ELAC1: variants seen among roughly 807,000 people sequenced by gnomAD.
ELAC1 encodes the protein elaC ribonuclease Z 1, also known as zinc phosphodiesterase ELAC protein 1.
ELAC1 carries 19 observed loss-of-function variants against 25.8 expected under a neutral mutation model. The observed-to-expected ratio is 0.74, with a 90% CI of 0.51 to 1.08. The LOEUF is 1.08. Among genes scored for constraint, ELAC1 ranks in the 50% least tolerant of loss-of-function variants. ELAC1 has a pLI of 0.00. For missense variants in ELAC1, 403 were observed against 434.6 expected (o/e 0.93, Z 0.65); for synonymous variants, 148 against 160.9 (o/e 0.92, Z 0.61).
intron 2 of ELAC1, among the ~76,000 whole-genome samples, chr18:50,977,936 C>G (rs982563705): frequency 6.6e-6 from 1 of 152,208 alleles, no homozygotes; most frequent in South Asian, 2.1e-4. Flanking sequence ...GTTCAAAGTT[C>G]CACAGATCTC....
rs1332090092 is a variant in ELAC1, at chr18:50,977,528, A to C, written c.157+2967A>C. On this transcript the variant is annotated intron_variant, in intron 2 of 3. Coordinates refer to ENST00000269466, the MANE Select transcript of ELAC1 (RefSeq NM_018696.3). ...GGCACCAAGTCCCAAGACTGCACGA[A>C]GCAGCAAGGCCCTGGGCCCAGGCCA... Among the ~76,000 whole-genome samples the C allele has an allele frequency of 2.6e-5, 4 of 152,218 alleles. 1 individual carries two copies. In the East Asian group the frequency reaches 7.7e-4, roughly 29 times the overall value.
chr18:50,986,407 C>T (rs1363731278), intron 3 of ELAC1, among the ~76,000 whole-genome samples: 2 of 152,158 alleles, frequency 1.3e-5, no homozygotes, highest in African/African-American at 2.4e-5. Flanking sequence ...GACATGTATG[C>T]ATGGGAAATG....
intron 1 of ELAC1, among the ~76,000 whole-genome samples, chr18:50,970,967 C>T (rs996759604): frequency 2.6e-5 from 4 of 152,094 alleles, no homozygotes; most frequent in African/African-American, 9.7e-5. Flanking sequence ...AACTTTTCTC[C>T]TTGTCATCCC....
chr18:50,981,916 G>A (rs1382883852), intron 2 of ELAC1, among the ~76,000 whole-genome samples: 2 of 147,676 alleles, frequency 1.4e-5, no homozygotes, highest in African/African-American at 2.5e-5. Flanking sequence ...GCGTGATCTC[G>A]GCTCACCACA....
chr18:50,979,192 A>G (rs1232769639), intron 2 of ELAC1, among the ~76,000 whole-genome samples: 1 of 152,220 alleles, frequency 6.6e-6, no homozygotes, highest in African/African-American at 2.4e-5. Context: ...CTATCTAATA[A>G]TGCATAACAG....
rs1417039692 is a variant in ELAC1, at chr18:50,984,541, T to C, written c.603T>C (p.Asn201=). The C allele has an allele frequency of 6.2e-7, 1 of 1,613,174 alleles. No homozygotes were observed. The highest frequency in any genetic ancestry group is 8.5e-7 in the Non-Finnish European group (1 of 1,179,704). ...AAAAGAAACGCCCAGGTAAACTCAA[T>C]GCACAGAAACTTAAAGACCTTGGTA... ...VVEKKRPGKL[N]AQKLKDLGVP... is the part of the protein sequence containing the mutation. The change falls in exon 3 of 4, where the codon AAT becomes AAC. Residue 201 remains asparagine (N), a synonymous_variant. Coordinates refer to ENST00000269466, the MANE Select transcript of ELAC1 (RefSeq NM_018696.3).
chr18:50,974,776 T>C (rs1485685884), intron 2 of ELAC1, among the ~76,000 whole-genome samples: 1 of 152,214 alleles, frequency 6.6e-6, no homozygotes. Flanking sequence ...CTGTAGATGC[T>C]GAAAGCAAGG....
intron 1 of ELAC1, among the ~76,000 whole-genome samples, chr18:50,970,394 A>C (rs1325844044): frequency 2.6e-5 from 4 of 152,234 alleles, no homozygotes; most frequent in Non-Finnish European, 4.4e-5. Flanking sequence ...ATTTGCCTTT[A>C]CAAATGTTAA....
At chr18:50,981,971 T>C (rs898288561) in intron 2 of ELAC1, among the ~76,000 whole-genome samples, 2 of 150,952 alleles carry the variant, frequency 1.3e-5, no homozygotes, top group Non-Finnish European at 2.9e-5. Flanking sequence ...CTCAGCCACC[T>C]GAGTAGCTGG....
At position 50,985,287 on chromosome 18, in the gene ELAC1, A is replaced by C. The variant is rs73960357; in HGVS notation, c.625+724A>C. Among the ~76,000 whole-genome samples the C allele has an allele frequency of 2.2e-3, 336 of 152,324 alleles. 2 individuals are homozygous for C. Among genetic ancestry groups the C allele is most frequent in the African/African-American group, 7.6e-3 (316 of 41,572 alleles). On this transcript the variant is annotated intron_variant, in intron 3 of 3. Coordinates refer to ENST00000269466, the MANE Select transcript of ELAC1 (RefSeq NM_018696.3). ...CCATCGTTCTTAACCTTACAACTGCAACCATGTGCTTTCAGAGTTTACTTC... is the reference window on the plus strand; with the variant it reads ...CCATCGTTCTTAACCTTACAACTGCCACCATGTGCTTTCAGAGTTTACTTC...
At chr18:50,971,898 G>A (rs911386850) in intron 1 of ELAC1, among the ~76,000 whole-genome samples, 98 of 99,594 alleles carry the variant, frequency 9.8e-4, no homozygotes, top group Non-Finnish European at 1.5e-3. Flanking sequence ...ATGTATATAT[G>A]TGTGTGTGTG....
At chr18:50,980,659 A>G (rs1671695845) in intron 2 of ELAC1, among the ~76,000 whole-genome samples, 1 of 148,780 alleles carries the variant, frequency 6.7e-6, no homozygotes, top group Admixed American at 6.8e-5. Flanking sequence ...GCTACTTGGG[A>G]GGCTGAGGCA....
chr18:50,972,025 C>T (rs1273606158), intron 1 of ELAC1, among the ~76,000 whole-genome samples: 2 of 144,874 alleles, frequency 1.4e-5, no homozygotes, highest in Non-Finnish European at 3.0e-5. Context: ...GGAGCATTAA[C>T]CCCCTGTCAT....
intron 2 of ELAC1, among the ~76,000 whole-genome samples, chr18:50,981,843 CTTT>C (rs750956755): frequency 8.5e-6 from 1 of 117,864 alleles, no homozygotes; most frequent in Non-Finnish European, 1.8e-5. Flanking sequence ...TGCTATAGTT[CTTT>C]TTTTTTTTTT....
chr18:50,969,817 A>G (rs1181389481), intron 1 of ELAC1: 1 of 152,174 alleles, frequency 6.6e-6, no homozygotes, highest in Non-Finnish European at 1.5e-5. Context: ...GCTAATCTCT[A>G]CTTCTGTATG....
At chr18:50,981,491 C>T (rs1398934897) in intron 2 of ELAC1, among the ~76,000 whole-genome samples, 2 of 152,010 alleles carry the variant, frequency 1.3e-5, no homozygotes, top group Non-Finnish European at 2.9e-5. Flanking sequence ...GCTCAATATT[C>T]CATTCCTCTG....
Position 50,978,089 on chromosome 18 carries a change from C to G in ELAC1, c.157+3528C>G, listed in dbSNP as rs559178604. ...GTCAAAACCATTCAACAGGAAATTC[C>G]AAACTTTCCCATGTCTTCCTGTCTT... is the stretch of plus-strand genomic sequence containing the variant. On this transcript the variant is annotated intron_variant, in intron 2 of 3. Coordinates refer to ENST00000269466, the MANE Select transcript of ELAC1 (RefSeq NM_018696.3). Among the ~76,000 whole-genome samples the G allele has an allele frequency of 3.9e-5, 6 of 152,284 alleles. No individual in the cohort carries two copies. In the South Asian group the frequency reaches 1.0e-3, roughly 26 times the overall value.
intron 2 of ELAC1, among the ~76,000 whole-genome samples, chr18:50,977,364 G>T (rs1212222092): frequency 6.6e-6 from 1 of 152,228 alleles, no homozygotes; most frequent in Non-Finnish European, 1.5e-5. Flanking sequence ...CTAGGTGGAG[G>T]TTCCCAAACC....
chr18:50,969,006 A>T (rs1051653218), intron 1 of ELAC1: 3 of 152,226 alleles, frequency 2.0e-5, no homozygotes, highest in African/African-American at 7.2e-5. Context: ...CAAATCTGAA[A>T]TGTACCATTC....
Sources: allele counts gnomAD v4.1 joint callset (sites outside exome capture counted in the v4.1 genomes callset), GRCh38; gene constraint gnomAD v4.1.1; transcripts MANE v1.5; gene names NCBI Gene and HGNC (gene_info 2026-07-23, HGNC 2026-07-21).